MGMT: variants seen among roughly 807,000 people sequenced by gnomAD.
MGMT encodes the protein O-6-methylguanine-DNA methyltransferase.
MGMT carries 14 observed loss-of-function variants against 15.9 expected under a neutral mutation model. The observed-to-expected ratio is 0.88, with a 90% confidence interval of 0.58 to 1.37. The LOEUF is 1.37. MGMT is among the 40% of genes most tolerant of loss of function. The pLI is 0.00. For missense variants in MGMT, 282 were observed against 268.1 expected (o/e 1.05, Z -0.36); for synonymous variants, 130 against 118.2 (o/e 1.10, Z -0.65).
chr10:129,739,073 A>G (rs1348854908), intron 3 of MGMT, among the ~76,000 whole-genome samples: 1 of 152,246 alleles, frequency 6.6e-6, no homozygotes, highest in Non-Finnish European at 1.5e-5. Context: ...ATCTCAATAG[A>G]TGCAGAAAAG....
intron 2 of MGMT, among the ~76,000 whole-genome samples, chr10:129,575,095 ACACCC>A (rs1387969876): frequency 6.6e-6 from 1 of 152,162 alleles, no homozygotes; most frequent in Non-Finnish European, 1.5e-5. Context: ...GGAGACTTTA[ACACCC>A]CACCGTTAAC....
chr10:129,678,957 C>G (rs185972179), intron 2 of MGMT, among the ~76,000 whole-genome samples: 1 of 151,948 alleles, frequency 6.6e-6, no homozygotes, highest in Non-Finnish European at 1.5e-5. Flanking sequence ...CCTGTAATCC[C>G]AGCTACTCGG....
In MGMT at chr10:129,556,124, C is replaced by T. The variant is rs767559701; in HGVS notation, c.125+19747C>T. Among the ~76,000 whole-genome samples, 5 of 152,120 alleles carry T rather than the reference C, an allele frequency of 3.3e-5. No individual in the cohort carries two copies. The highest frequency in any genetic ancestry group is 1.3e-4 in the Admixed American group (2 of 15,270). The stretch of plus-strand genomic sequence containing the variant: ...TGACTCTTGCCTTGGACCCTGATGG[C>T]GCTGGGGGGTTTCATCGCCATTTAA... On this transcript the variant is annotated intron_variant, in intron 2 of 4. Transcript: ENST00000651593. This position sits in a 1 kb window ranked among gnomAD's most constrained non-coding sequence, Gnocchi z 4.3.
chr10:129,479,702 G>T (rs1845335342), intron 1 of MGMT, among the ~76,000 whole-genome samples: 1 of 151,892 alleles, frequency 6.6e-6, no homozygotes, highest in South Asian at 2.1e-4. Context: ...CTTTGGTGGA[G>T]GACATGAGTG....
intron 1 of MGMT, among the ~76,000 whole-genome samples, chr10:129,508,581 T>G (rs1403324245): frequency 2.0e-5 from 3 of 151,952 alleles, no homozygotes; most frequent in Admixed American, 6.6e-5. Flanking sequence ...GTTTTGCTCT[T>G]GTTGCCCAGG....
chr10:129,661,693 G>GT (rs1483067374), intron 2 of MGMT, among the ~76,000 whole-genome samples: 1 of 152,138 alleles, frequency 6.6e-6, no homozygotes, highest in Non-Finnish European at 1.5e-5. Flanking sequence ...TCACGCTGGA[G>GT]TTTTAAAGTT....
At chr10:129,749,238 T>C (rs1013140266) in intron 3 of MGMT, among the ~76,000 whole-genome samples, 2 of 152,204 alleles carry the variant, frequency 1.3e-5, no homozygotes, top group Non-Finnish European at 2.9e-5. Context: ...TACAGTAACA[T>C]GCAGAATAAT....
intron 1 of MGMT, among the ~76,000 whole-genome samples, chr10:129,468,195 G>A (rs1187141576): frequency 6.6e-6 from 1 of 152,154 alleles, no homozygotes; most frequent in Non-Finnish European, 1.5e-5. Context: ...CCCCATCCCT[G>A]GGCAGGTGTC....
chr10:129,611,594 G>A (rs1245638141), intron 2 of MGMT, among the ~76,000 whole-genome samples: 1 of 152,192 alleles, frequency 6.6e-6, no homozygotes, highest in Non-Finnish European at 1.5e-5. Flanking sequence ...CTGCAGGATC[G>A]GGCAAGGGAG....
intron 3 of MGMT, among the ~76,000 whole-genome samples, chr10:129,714,200 C>T (rs956089664): frequency 6.6e-6 from 1 of 152,230 alleles, no homozygotes; most frequent in Non-Finnish European, 1.5e-5. Context: ...CAGGCCAGCC[C>T]AGTAACAGCG....
At chr10:129,602,092 T>C (rs1296360280) in intron 2 of MGMT, among the ~76,000 whole-genome samples, 1 of 152,228 alleles carries the variant, frequency 6.6e-6, no homozygotes, top group East Asian at 1.9e-4. Context: ...TTACAGTTTA[T>C]GGAACTAGTT....
At chr10:129,766,637 A>G (rs1848938491) in intron 4 of MGMT, 151 bp from the exon 5 acceptor site, 2 of 663,054 alleles carry the variant, frequency 3.0e-6, no homozygotes, top group Admixed American at 6.0e-5. Flanking sequence ...GCTGAGACAT[A>G]GCTGACACCC....
intron 2 of MGMT, among the ~76,000 whole-genome samples, chr10:129,639,933 G>T (rs1463922076): frequency 7.1e-6 from 1 of 140,446 alleles, no homozygotes; most frequent in African/African-American, 2.7e-5. Flanking sequence ...TGATAAATCG[G>T]TGGCTAGACT....
In MGMT at chr10:129,533,504, C is replaced by CA. The variant is rs1406418646; in HGVS notation, c.-12-2736dup. ...AAACCCAAGCTGGGCTGTTTACTGC[C>CA]AGTCTGCTGGGAGCTTTGACCCACC... On this transcript the variant is annotated intron_variant, in intron 1 of 4. Coordinates refer to ENST00000651593, the MANE Select transcript of MGMT (RefSeq NM_002412.5). The surrounding 1 kb of genome is among the most constrained non-coding windows in gnomAD (Gnocchi z 4.5). Among the ~76,000 whole-genome samples, 1 of 152,164 alleles carries CA rather than the reference C, an allele frequency of 6.6e-6. No homozygotes were observed. The highest frequency in any genetic ancestry group is 1.5e-5 in the Non-Finnish European group (1 of 68,040).
chr10:129,754,156 A>T (rs2133181402), intron 3 of MGMT, among the ~76,000 whole-genome samples: 1 of 142,632 alleles, frequency 7.0e-6, no homozygotes, highest in South Asian at 2.1e-4. Context: ...TAGACAGCTC[A>T]CCCGAACAGG....
intron 1 of MGMT, among the ~76,000 whole-genome samples, chr10:129,519,549 C>T (rs1035236266): frequency 6.6e-6 from 1 of 152,182 alleles, no homozygotes; most frequent in African/African-American, 2.4e-5. Flanking sequence ...TTACGGAGTT[C>T]AGTGCCGTCA....
intron 1 of MGMT, among the ~76,000 whole-genome samples, chr10:129,511,716 G>A (rs1845685756): frequency 6.6e-6 from 1 of 152,136 alleles, no homozygotes. Context: ...ACTAAGGGCA[G>A]AGCTCTGAAT....
At chr10:129,597,955 G>A (rs554149808) in intron 2 of MGMT, among the ~76,000 whole-genome samples, 1 of 152,168 alleles carries the variant, frequency 6.6e-6, no homozygotes, top group South Asian at 2.1e-4. Context: ...GAGAGATGTC[G>A]TTCGGTGGGT....
intron 2 of MGMT, among the ~76,000 whole-genome samples, chr10:129,590,539 A>C (rs1021457383): frequency 6.6e-6 from 1 of 152,224 alleles, no homozygotes; most frequent in African/African-American, 2.4e-5. Flanking sequence ...GTTTCTAGCC[A>C]TGGAATTGCT....
Sources: allele counts gnomAD v4.1 joint callset (sites outside exome capture counted in the v4.1 genomes callset), GRCh38; gene constraint gnomAD v4.1.1; non-coding constraint Gnocchi (gnomAD v3.1); transcripts MANE v1.5; gene names NCBI Gene and HGNC (gene_info 2026-07-23, HGNC 2026-07-21).